SYCP2L: variants seen among roughly 807,000 people sequenced by gnomAD.
The protein encoded by SYCP2L is synaptonemal complex protein 2 like.
SYCP2L carries 98 observed loss-of-function variants against 125.8 expected under a neutral mutation model. That is an observed-to-expected ratio of 0.78 (90% CI 0.66 to 0.92). The LOEUF (loss-of-function observed/expected upper bound fraction) is 0.92. Among genes scored for constraint, SYCP2L ranks in the 40% least tolerant of loss-of-function variants. SYCP2L has a pLI of 0.00. For synonymous variants in SYCP2L, 317 were observed against 325.4 expected (o/e 0.97, Z 0.28); for missense variants, 842 against 936.4 (o/e 0.90, Z 1.32).
chr6:10,932,053 T>C (rs1428032556), intron 20 of SYCP2L, among the ~76,000 whole-genome samples: 1 of 149,982 alleles, frequency 6.7e-6, no homozygotes, highest in East Asian at 2.0e-4. Flanking sequence ...TGAATGATGC[T>C]AAAATTCTGG....
chr6:10,918,756 A>G (rs562511735), intron 14 of SYCP2L, among the ~76,000 whole-genome samples: 21 of 152,076 alleles, frequency 1.4e-4, no homozygotes, highest in East Asian at 7.8e-4. Context: ...GGATGGTCTC[A>G]ATCTCCTGAC....
At chr6:10,946,147 C>G (rs1444881871) in intron 23 of SYCP2L, among the ~76,000 whole-genome samples, 2 of 152,116 alleles carry the variant, frequency 1.3e-5, no homozygotes, top group African/African-American at 4.8e-5. Context: ...TTTGTGCTTT[C>G]TGTGTGCCCC....
At position 10,928,387 on chromosome 6, in the gene SYCP2L, C is replaced by T. The variant is rs369328814; in HGVS notation, c.1441-16C>T. ...ATGTCTATGAAATCTTCACAATCCA[C>T]GTTCTTCTGCCATAGCTTCAGCCGG... On this transcript the variant is annotated splice_polypyrimidine_tract_variant and intron_variant, in intron 17 of 29. Transcript: ENST00000283141. The T allele has an allele frequency of 8.1e-5, 104 of 1,281,700 alleles. No individual in the cohort carries two copies. Among genetic ancestry groups the T allele is most frequent in the African/African-American group, 3.6e-4 (24 of 67,040 alleles). The allele number at this position is 1,281,700 out of a possible 1,614,324, so 79.4% of individuals were successfully genotyped here.
chr6:10,927,169 C>T, intron 16 of SYCP2L, 71 bp from the exon 17 acceptor site: 2 of 1,579,516 alleles, frequency 1.3e-6, no homozygotes, highest in Non-Finnish European at 1.7e-6. Context: ...GGGGACATCC[C>T]ATGAAGACCA....
intron 14 of SYCP2L, among the ~76,000 whole-genome samples, chr6:10,915,047 A>G (rs144617540): frequency 1.3e-5 from 2 of 152,118 alleles, no homozygotes; most frequent in East Asian, 3.9e-4. Flanking sequence ...CACCTGGCCC[A>G]TCCCTAAGTT....
At chr6:10,964,159 A>G (rs917675435) in intron 29 of SYCP2L, among the ~76,000 whole-genome samples, 2 of 152,062 alleles carry the variant, frequency 1.3e-5, no homozygotes, top group African/African-American at 2.4e-5. Context: ...GGGTTTCACC[A>G]TGTTAGCGAG....
intron 18 of SYCP2L, chr6:10,930,108 C>A: frequency 3.8e-6 from 1 of 260,754 alleles, no homozygotes; most frequent in Non-Finnish European, 7.2e-6. Flanking sequence ...TGCTTTTGAA[C>A]AGTCATCCAC....
At chr6:10,940,441 T>C (rs1199524829) in intron 21 of SYCP2L, among the ~76,000 whole-genome samples, 2 of 152,104 alleles carry the variant, frequency 1.3e-5, no homozygotes, top group Non-Finnish European at 2.9e-5. Flanking sequence ...CACTGGTCAG[T>C]GGATGAATGA....
chr6:10,899,866 A>G (rs947827003), intron 6 of SYCP2L, among the ~76,000 whole-genome samples: 5 of 152,226 alleles, frequency 3.3e-5, no homozygotes, highest in African/African-American at 1.2e-4. Flanking sequence ...GATCATCACA[A>G]TGACAGTTGC....
chr6:10,970,711 GC>G (rs1350539193), intron 29 of SYCP2L, among the ~76,000 whole-genome samples: 1 of 152,170 alleles, frequency 6.6e-6, no homozygotes, highest in Non-Finnish European at 1.5e-5. Context: ...TTCAGGACAT[GC>G]ATTCCATATG....
At chr6:10,949,181 G>A (rs576769958) in intron 23 of SYCP2L, among the ~76,000 whole-genome samples, 8 of 151,558 alleles carry the variant, frequency 5.3e-5, no homozygotes, top group South Asian at 2.1e-4. Context: ...ATATCTTTAC[G>A]TTTATTCTGA....
chr6:10,963,892 G>A, intron 29 of SYCP2L, 49 bp downstream of exon 29: 1 of 1,434,600 alleles, frequency 7.0e-7, no homozygotes, highest in South Asian at 1.2e-5. Flanking sequence ...CGGGGTCAGG[G>A]CAGGGAGCAA....
In SYCP2L at chr6:10,913,092, T is replaced by C. The variant is rs146145530; in HGVS notation, c.1072+165T>C. On this transcript the variant is annotated intron_variant, in intron 14 of 29. Coordinates refer to ENST00000283141, the MANE Select transcript of SYCP2L (RefSeq NM_001040274.3). ...CGCTGTCACAGGTTTGTGACTTCTA[T>C]GCTTTGTGACCTTGGGATTAAATTA... Among the ~76,000 whole-genome samples the C allele has an allele frequency of 2.5e-3, 381 of 152,334 alleles. 1 individual carries two copies. Among genetic ancestry groups the C allele is most frequent in the African/African-American group, 8.9e-3 (369 of 41,588 alleles).
chr6:10,887,193 C>T (rs1581811043), intron 1 of SYCP2L, 58 bp downstream of exon 1: 1 of 1,608,982 alleles, frequency 6.2e-7, no homozygotes, highest in South Asian at 1.1e-5. Context: ...CGCGCGAGGG[C>T]GCGGGGTCCC....
chr6:10,968,944 G>A (rs546933305), intron 29 of SYCP2L, among the ~76,000 whole-genome samples: 1 of 152,178 alleles, frequency 6.6e-6, no homozygotes, highest in Non-Finnish European at 1.5e-5. Context: ...AGTCATGGAG[G>A]ATCACAGAGT....
rs1322058223 is a variant in SYCP2L at position 10,959,810 on chromosome 6, G to A, written c.2255+935G>A. 5.9e-5 allele frequency among the ~76,000 whole-genome samples: 9 copies of A among 151,402 alleles called. No individual in the cohort carries two copies. The East Asian group carries it at 1.7e-3, about 29-fold the overall frequency. ...CTTGAACTCGGGAGGCGGAGGTTGC[G>A]GTGAGCTGAGATCATGCCATTGCAC... is the stretch of plus-strand genomic sequence containing the variant. On this transcript the variant is annotated intron_variant, in intron 26 of 29. Coordinates refer to ENST00000283141, the MANE Select transcript of SYCP2L (RefSeq NM_001040274.3).
At chr6:10,910,761 C>A in intron 11 of SYCP2L, 63 bp from the exon 12 acceptor site, 2 of 1,548,318 alleles carry the variant, frequency 1.3e-6, no homozygotes, top group African/African-American at 1.4e-5. Context: ...TGTTGCGGAA[C>A]GTCTGTAGAT....
At chr6:10,897,549 C>T (rs141849160) in intron 4 of SYCP2L, among the ~76,000 whole-genome samples, 4,827 of 151,976 alleles carry the variant, frequency 0.032, 177 homozygotes, top group East Asian at 0.12. Context: ...GTAGCTGGGA[C>T]TAGAGGTGTG....
chr6:10,963,928 G>A, intron 29 of SYCP2L, 85 bp downstream of exon 29: 1 of 931,938 alleles, frequency 1.1e-6, no homozygotes, highest in Non-Finnish European at 1.6e-6. Flanking sequence ...GTAATGCTTT[G>A]TTCATATGAC....
Sources: allele counts gnomAD v4.1 joint callset (sites outside exome capture counted in the v4.1 genomes callset), GRCh38; gene constraint gnomAD v4.1.1; transcripts MANE v1.5; gene names NCBI Gene and HGNC (gene_info 2026-07-23, HGNC 2026-07-21).